The following CLN3 variants were observed in gnomAD, a reference collection of about 807,000 sequenced individuals.
The protein encoded by CLN3 is battenin.
Under a neutral mutation model 60.7 loss-of-function variants are expected in CLN3, and 49 were observed. The ratio of observed to expected loss-of-function variants is 0.81; its 90% CI spans 0.64 to 1.02. CLN3 has a LOEUF of 1.02. Among genes scored for constraint, CLN3 ranks in the 50% least tolerant of loss-of-function variants. CLN3 has a pLI of 0.00. For missense variants in CLN3, 516 were observed against 557.4 expected (o/e 0.93, Z 0.75); for synonymous variants, 256 against 245.8 (o/e 1.04, Z -0.39).
chr16:28,478,617 T>TAAAAAAAAAAAAAAAAAAAAAA (rs766238150), intron 14 of CLN3, among the ~76,000 whole-genome samples: 2 of 74,356 alleles, frequency 2.7e-5, no homozygotes, highest in African/African-American at 1.5e-4. Context: ...TCCTGTCTCA[T>TAAAAAAAAAAAAAAAAAAAAAA]AAAAAAAAAA....
chr16:28,490,650 C>G (rs2046298855), intron 3 of CLN3, among the ~76,000 whole-genome samples: 1 of 149,912 alleles, frequency 6.7e-6, no homozygotes, highest in Non-Finnish European at 1.5e-5. Flanking sequence ...GTCTCAGCTA[C>G]TCCGGAGGCT....
chr16:28,480,557 C>G (rs992506214), intron 14 of CLN3, among the ~76,000 whole-genome samples: 1 of 152,054 alleles, frequency 6.6e-6, no homozygotes, highest in African/African-American at 2.4e-5. Context: ...GGTGCCACCA[C>G]GCCCAACTAA....
At chr16:28,488,722 G>A in intron 4 of CLN3, 60 bp from the exon 5 acceptor site, 1 of 1,537,978 alleles carries the variant, frequency 6.5e-7, no homozygotes, top group Non-Finnish European at 9.0e-7. Context: ...CACAGAGCCT[G>A]GCTCCCGTCC....
chr16:28,487,743 T>G lies in CLN3; in HGVS notation c.295-2A>C, dbSNP rs1478660606. ...GAGGATGTCCGCCAGGAGCACAGCC[T>G]GGGACAGGAGAATAGAGTGAGACCG... On this transcript the variant is annotated splice_acceptor_variant, in intron 5 of 15. Transcript: ENST00000636147. LOFTEE classifies it high-confidence loss of function. The G allele has an allele frequency of 6.2e-7, 1 of 1,612,230 alleles. No individual in the cohort carries two copies. The highest frequency in any genetic ancestry group is 1.3e-5 in the African/African-American group (1 of 74,832).
At chr16:28,477,209 T>G, downstream of CLN3, 1 of 426,080 alleles carries the variant, frequency 2.3e-6, no homozygotes, top group Non-Finnish European at 4.4e-6. Flanking sequence ...GCTGTCTATA[T>G]ATAGGAAAGT....
In CLN3 at chr16:28,489,315, T is replaced by C. The variant is rs769447444; in HGVS notation, c.197A>G (p.Lys66Arg). The C allele has an allele frequency of 3.7e-6, 6 of 1,613,398 alleles. No homozygotes were observed. Among genetic ancestry groups the C allele is most frequent in the East Asian group, 4.5e-5 (2 of 44,880 alleles). The change falls in exon 4 of 16, where the codon AAG becomes AGG. Residue 66 changes from lysine (K) to arginine (R), a missense_variant. Physicochemically the swap from Lys to Arg is conservative, Grantham distance 26. Coordinates refer to ENST00000636147, the MANE Select transcript of CLN3 (RefSeq NM_001042432.2). Reference protein sequence around the residue: ...LSAAHDILSHKRTSGNQSHVD... With the variant: ...LSAAHDILSHRRTSGNQSHVD... ...ATGGCTCTGGTTTCCCGATGTCCTC[T>C]TGTGGCTAAGGATGTCGTGGGCGGC...
intron 5 of CLN3, 95 bp downstream of exon 5, chr16:28,488,496 A>T: frequency 8.8e-7 from 1 of 1,135,172 alleles, no homozygotes; most frequent in Non-Finnish European, 1.3e-6. Flanking sequence ...TGTTTTAATC[A>T]TGACAGTCCC....
In CLN3 at chr16:28,482,662, G is replaced by A; in HGVS notation, c.801C>T (p.Ser267=). 6.2e-7 allele frequency: 1 copy of A among 1,614,200 alleles called. No homozygotes were observed. The highest frequency in any genetic ancestry group is 8.5e-7 in the Non-Finnish European group (1 of 1,180,032). ...EAPESKPGSS[S]SLSLRERWTV... Reference sequence around the variant, plus strand: ...TCCACCTTTCCCGAAGGGAGAGGCTGGAGCTGGAGCCTGCAGGGGAACAGA... The same window carrying A: ...TCCACCTTTCCCGAAGGGAGAGGCTAGAGCTGGAGCCTGCAGGGGAACAGA... Residue 267 remains serine, a synonymous_variant, in exon 11 of 16, where the codon TCC becomes TCT. Transcript: ENST00000636147.
At chr16:28,480,241 G>A (rs577846955) in intron 14 of CLN3, among the ~76,000 whole-genome samples, 2 of 151,494 alleles carry the variant, frequency 1.3e-5, no homozygotes, top group Non-Finnish European at 2.9e-5. Context: ...TTGTAGAGGT[G>A]GGGGGTCTCA....
chr16:28,483,259 T>C (rs1055251774), intron 10 of CLN3, among the ~76,000 whole-genome samples: 7 of 152,028 alleles, frequency 4.6e-5, no homozygotes, highest in African/African-American at 1.7e-4. Flanking sequence ...TCTCACTCAG[T>C]TGCCCAGGCT....
chr16:28,492,015 T>A lies in CLN3; in HGVS notation c.-77+5A>T. ...CGTCTACAGCAGGGACCCTGAGGCC[T>A]GTACCTTTAAGAGCAGCAGAATGTT... On this transcript the variant is annotated splice_donor_5th_base_variant and intron_variant, in intron 1 of 15. Transcript: ENST00000636147. The A allele has an allele frequency of 3.3e-6, 2 of 598,042 alleles. No homozygotes were observed. The highest frequency in any genetic ancestry group is 6.0e-6 in the Non-Finnish European group (2 of 335,804). The allele number at this position is 598,042 out of a possible 1,614,324, so 37.0% of individuals were successfully genotyped here.
chr16:28,488,356 T>C (rs1213664773), intron 5 of CLN3: 1 of 327,708 alleles, frequency 3.1e-6, no homozygotes, highest in Non-Finnish European at 5.4e-6. Flanking sequence ...ATTTTTTTCT[T>C]TAAGATGGGG....
At chr16:28,488,699 A>G in intron 4 of CLN3, 37 bp from the exon 5 acceptor site, 1 of 1,599,930 alleles carries the variant, frequency 6.3e-7, no homozygotes, top group Non-Finnish European at 8.6e-7. Flanking sequence ...CCCTGGAGGC[A>G]GAGGGATAGA....
chr16:28,484,951 T>G (rs978526858), intron 9 of CLN3: 1 of 135,414 alleles, frequency 7.4e-6, no homozygotes, highest in Non-Finnish European at 1.7e-5. Flanking sequence ...AAAGTGTGTG[T>G]TTTTTTTTTT....
downstream of CLN3, chr16:28,470,963 A>T (rs2141687090): frequency 2.8e-6 from 1 of 358,664 alleles, no homozygotes; most frequent in South Asian, 2.4e-5. Context: ...CCAATCCCTG[A>T]TGACCCCGGT....
chr16:28,471,922 T>C (rs144538412), downstream of CLN3, among the ~76,000 whole-genome samples: 408 of 152,260 alleles, frequency 2.7e-3, 2 homozygotes, highest in African/African-American at 9.4e-3. Flanking sequence ...CCCAGATACT[T>C]GGTAGGCTGA....
At position 28,484,055 on chromosome 16, in the gene CLN3, G is replaced by A. The variant is rs148782327; in HGVS notation, c.741C>T (p.Ser247=). 8.1e-6 allele frequency: 13 copies of A among 1,612,412 alleles called. No individual in the cohort carries two copies. In the East Asian group the frequency reaches 8.9e-5, roughly 11 times the overall value. Residue 247 remains serine, a synonymous_variant, in exon 10 of 16, where the codon AGC becomes AGT. Transcript: ENST00000636147. ...QDPGGEEEAE[S]AARQPLIRTE... ...TTCTTATGAGGGGCTGCCGGGCTGCGCTCTCTGCTTCTTCTTCCCCTCCAG... is the reference window on the plus strand; with the variant it reads ...TTCTTATGAGGGGCTGCCGGGCTGCACTCTCTGCTTCTTCTTCCCCTCCAG...
chr16:28,474,436 C>A (rs1266531484), downstream of CLN3, among the ~76,000 whole-genome samples: 2 of 151,522 alleles, frequency 1.3e-5, no homozygotes, highest in African/African-American at 4.9e-5. Flanking sequence ...CTCCATCCTG[C>A]GCAACAGAGC....
At chr16:28,478,876 C>T (rs1358147466) in intron 14 of CLN3, among the ~76,000 whole-genome samples, 1 of 151,652 alleles carries the variant, frequency 6.6e-6, no homozygotes, top group Non-Finnish European at 1.5e-5. Context: ...CAAAATTGCC[C>T]CTATTGGAAA....
Sources: allele counts gnomAD v4.1 joint callset (sites outside exome capture counted in the v4.1 genomes callset), GRCh38; gene constraint gnomAD v4.1.1; transcripts MANE v1.5; gene names NCBI Gene and HGNC (gene_info 2026-07-23, HGNC 2026-07-21).